The following MAS1 variants were observed in gnomAD, a reference collection of about 807,000 sequenced individuals.
MAS1 encodes the protein proto-oncogene Mas.
For missense variants in MAS1, 387 were observed against 409.7 expected (o/e 0.94, Z 0.48); for synonymous variants, 163 against 164.2 (o/e 0.99, Z 0.05).
intron 1 of MAS1, among the ~76,000 whole-genome samples, chr6:159,896,942 T>C (rs1182057796): frequency 2.0e-5 from 3 of 152,128 alleles, no homozygotes; most frequent in Admixed American, 6.6e-5. Context: ...GGCTCGTTCT[T>C]GGCTCACTGC....
At position 159,908,004 on chromosome 6, in the gene MAS1, C is replaced by G; in HGVS notation, c.*71C>G. The stretch of plus-strand genomic sequence containing the variant: ...TTTTTAGTTTGTGCTTGGAATATGA[C>G]TTAAGTATCTCCTAAATGTGATACA... On this transcript the variant is annotated 3_prime_UTR_variant, in exon 3 of 3. Transcript: ENST00000674077. 1 of 1,476,902 alleles carries G rather than the reference C, an allele frequency of 6.8e-7. No individual in the cohort carries two copies. 91.5% of individuals were successfully genotyped at this position (1,476,902 alleles called of 1,614,324 possible).
upstream of MAS1, among the ~76,000 whole-genome samples, chr6:159,889,141 G>A (rs1336686505): frequency 3.3e-5 from 5 of 152,140 alleles, no homozygotes; most frequent in African/African-American, 1.2e-4. Context: ...AGAAGCCATC[G>A]GGCCACCCTG....
rs1257946089 is a variant in MAS1, at chr6:159,907,523, T to G, written c.568T>G (p.Phe190Val). ...GAATGACTGCCGAGCAGTCATCATC[T>G]TTATAGCCATCCTGAGCTTCCTGGT... ...SRNDCRAVII[F>V]IAILSFLVFT... The change falls in exon 3 of 3, where the codon TTT becomes GTT. Residue 190 changes from phenylalanine (F) to valine (V), a missense_variant. Physicochemically the swap from Phe to Val is conservative, Grantham distance 50. Transcript: ENST00000674077. 1.2e-6 allele frequency: 2 copies of G among 1,613,972 alleles called. No homozygotes were observed. The highest frequency in any genetic ancestry group is 2.7e-5 in the African/African-American group (2 of 74,886).
At chr6:159,904,956 C>T (rs1051584090) in intron 2 of MAS1, among the ~76,000 whole-genome samples, 7 of 152,180 alleles carry the variant, frequency 4.6e-5, no homozygotes, top group Non-Finnish European at 5.9e-5. Flanking sequence ...CTATTTCCTT[C>T]ATGTCTTTGC....
intron 1 of MAS1, among the ~76,000 whole-genome samples, chr6:159,896,752 G>A (rs544472303): frequency 5.3e-5 from 8 of 152,314 alleles, no homozygotes; most frequent in Admixed American, 5.2e-4. Context: ...ATCAAGACGG[G>A]GGAATTGCAA....
intron 1 of MAS1, among the ~76,000 whole-genome samples, chr6:159,891,524 G>C (rs938995851): frequency 6.6e-6 from 1 of 152,152 alleles, no homozygotes. Context: ...AAGAAGTTGA[G>C]GTTTGAAAGA....
Position 159,905,957 on chromosome 6 carries a change from G to T in MAS1, c.-36-963G>T, listed in dbSNP as rs12333253. On this transcript the variant is annotated intron_variant, in intron 2 of 2. Transcript: ENST00000674077. The stretch of plus-strand genomic sequence containing the variant: ...CTCAGGAAGCTGAGGCAGGAGAATC[G>T]CTTGAACCTGGGAGGCGGAGGTTGC... Among the ~76,000 whole-genome samples, 217 of 152,040 alleles carry T rather than the reference G, an allele frequency of 1.4e-3. 3 individuals carry two copies. The highest frequency in any genetic ancestry group is 5.0e-3 in the African/African-American group (207 of 41,478).
chr6:159,913,756 A>G lies in MAS1; in HGVS notation c.*5823A>G, dbSNP rs1296569200. Reference sequence around the variant, plus strand: ...GCTTAAAATTATTGGCATGTTGTTGAAATTATAATGAGTTTTAGTAAAGCA... The same window carrying G: ...GCTTAAAATTATTGGCATGTTGTTGGAATTATAATGAGTTTTAGTAAAGCA... On this transcript the variant is annotated 3_prime_UTR_variant, in exon 3 of 3. Coordinates refer to ENST00000674077, the MANE Select transcript of MAS1 (RefSeq NM_002377.4). 1 of 152,248 alleles carries G rather than the reference A, an allele frequency of 6.6e-6. No individual in the cohort carries two copies. Among genetic ancestry groups the G allele is most frequent in the Non-Finnish European group, 1.5e-5 (1 of 68,050 alleles). 9.4% of individuals were successfully genotyped at this position (152,248 alleles called of 1,614,324 possible).
chr6:159,906,271 G>A (rs980692493), intron 2 of MAS1, among the ~76,000 whole-genome samples: 9 of 152,168 alleles, frequency 5.9e-5, no homozygotes, highest in Non-Finnish European at 1.2e-4. Context: ...CACATCAATG[G>A]CTTGCCTGGC....
intron 1 of MAS1, among the ~76,000 whole-genome samples, chr6:159,894,418 C>CAAAAAAAA (rs5881344): frequency 1.6e-4 from 13 of 79,140 alleles, no homozygotes; most frequent in African/African-American, 6.3e-4. Context: ...GACCCTGTCT[C>CAAAAAAAA]AAAAAAAAAA....
chr6:159,905,535 A>G (rs220723), intron 2 of MAS1, among the ~76,000 whole-genome samples: 122,516 of 152,078 alleles, frequency 0.81, 49,947 homozygotes, highest in African/African-American at 0.94. Flanking sequence ...CACCTGTTTC[A>G]CCAACCCAAA....
In MAS1 at chr6:159,917,252, TTC is replaced by T. The variant is rs1316827868; in HGVS notation, c.*9321_*9322del. Among the ~76,000 whole-genome samples, 1 of 152,226 alleles carries T rather than the reference TTC, an allele frequency of 6.6e-6. No individual in the cohort carries two copies. Among genetic ancestry groups the T allele is most frequent in the African/African-American group, 2.4e-5 (1 of 41,464 alleles). On this transcript the variant is annotated 3_prime_UTR_variant, in exon 3 of 3. Coordinates refer to ENST00000674077, the MANE Select transcript of MAS1 (RefSeq NM_002377.4). ...ATGAGATTGGTGTAAAGTGGAGAAA[TTC>T]TGTTTTGGATTAATCACAAGGAGAT...
At chr6:159,892,034 C>A (rs545676246) in intron 1 of MAS1, among the ~76,000 whole-genome samples, 12 of 152,288 alleles carry the variant, frequency 7.9e-5, no homozygotes, top group African/African-American at 2.9e-4. Flanking sequence ...TTCAGGCATG[C>A]CAAACATCCC....
Position 159,907,529 on chromosome 6 carries a change from G to A in MAS1, c.574G>A (p.Ala192Thr), listed in dbSNP as rs1583215308. ...CTGCCGAGCAGTCATCATCTTTATA[G>A]CCATCCTGAGCTTCCTGGTCTTCAC... ...NDCRAVIIFI[A>T]ILSFLVFTPL... is the part of the protein sequence containing the mutation. The change falls in exon 3 of 3, where the codon GCC becomes ACC. Residue 192 changes from alanine to threonine, a missense_variant. By Grantham distance (58) the Ala-to-Thr change is moderately conservative. Coordinates refer to ENST00000674077, the MANE Select transcript of MAS1 (RefSeq NM_002377.4). 1 of 1,614,006 alleles carries A rather than the reference G, an allele frequency of 6.2e-7. No homozygotes were observed. Among genetic ancestry groups the A allele is most frequent in the Non-Finnish European group, 8.5e-7 (1 of 1,180,006 alleles).
chr6:159,904,242 C>A (rs1483649587), intron 2 of MAS1, among the ~76,000 whole-genome samples: 1 of 152,166 alleles, frequency 6.6e-6, no homozygotes, highest in Non-Finnish European at 1.5e-5. Flanking sequence ...ATACTCTCAT[C>A]TTGCCTCACA....
In MAS1 at chr6:159,907,646, A is replaced by C. The variant is rs745928534; in HGVS notation, c.691A>C (p.Met231Leu). Reference sequence around the variant, plus strand: ...TTCCTCCAAGCTTTACATAGTCATCATGGTCACCATCATTATATTCCTCAT... The same window carrying C: ...TTCCTCCAAGCTTTACATAGTCATCCTGGTCACCATCATTATATTCCTCAT... ...SHSSKLYIVI[M>L]VTIIIFLIFA... is the part of the protein sequence containing the mutation. The change falls in exon 3 of 3, where the codon ATG becomes CTG. Residue 231 changes from methionine to leucine, a missense_variant. Met to Leu is a conservative substitution (Grantham distance 15). Transcript: ENST00000674077. 6 of 1,613,758 alleles carry C rather than the reference A, an allele frequency of 3.7e-6. No homozygotes were observed. The Admixed American group carries it at 8.3e-5, about 22-fold the overall frequency.
Position 159,915,843 on chromosome 6 carries a change from C to T in MAS1, c.*7910C>T, listed in dbSNP as rs116955666. On this transcript the variant is annotated 3_prime_UTR_variant, in exon 3 of 3. Transcript: ENST00000674077. ...AACAAGGGCCCAGGACAGTGAGGCC[C>T]CACCTCAGAACTGCCCTCCTGGAAG... The T allele has an allele frequency of 0.027, 4,055 of 152,406 alleles. 84 individuals carry two copies. Among genetic ancestry groups the T allele is most frequent in the Non-Finnish European group, 0.033 (2,265 of 68,086 alleles). 9.4% of individuals were successfully genotyped at this position (152,406 alleles called of 1,614,324 possible). A position where few individuals can be genotyped will look rare whatever the true frequency, so the allele number is the denominator to read the frequency against.
Position 159,908,889 on chromosome 6 carries a change from C to G in MAS1, c.*956C>G, listed in dbSNP as rs1782932206. On this transcript the variant is annotated 3_prime_UTR_variant, in exon 3 of 3. Transcript: ENST00000674077. ...GGGGGTGACTGGGACCTTCCTCCCC[C>G]ATGAAGAGGTGGGTTATTTGTAGCC... is the stretch of plus-strand genomic sequence containing the variant. 1 of 151,836 alleles carries G rather than the reference C, an allele frequency of 6.6e-6. No individual in the cohort carries two copies. The highest frequency in any genetic ancestry group is 1.5e-5 in the Non-Finnish European group (1 of 68,010). The allele number at this position is 151,836 out of a possible 1,614,324, so 9.4% of individuals were successfully genotyped here.
At chr6:159,891,639 A>C (rs74762572) in intron 1 of MAS1, among the ~76,000 whole-genome samples, 1,793 of 152,308 alleles carry the variant, frequency 0.012, 41 homozygotes, top group African/African-American at 0.042. Context: ...CTTAGTGGGC[A>C]CTGGCATCAG....
Sources: gnomAD v4.1 joint callset for allele counts (sites outside exome capture counted in the v4.1 genomes callset) on GRCh38, gnomAD v4.1.1 for gene constraint, MANE v1.5 for transcripts, NCBI Gene and HGNC (gene_info 2026-07-23, HGNC 2026-07-21) for gene names.